ZNF638: variants seen among roughly 807,000 people sequenced by gnomAD.
ZNF638 encodes the protein zinc finger protein 638, also known as CTCL tumor antigen se33-1.
In ZNF638, 46 loss-of-function variants were observed where a neutral mutation model predicts 195.6. The observed-to-expected ratio is 0.24, with a 90% CI of 0.19 to 0.30. ZNF638 has a LOEUF of 0.30. Among genes scored for constraint, ZNF638 ranks in the 10% least tolerant of loss-of-function variants. The pLI is 1.00. For missense variants in ZNF638, 2,440 were observed against 2,325.3 expected (o/e 1.05, Z -1.01); for synonymous variants, 845 against 772.0 (o/e 1.09, Z -1.57).
chr2:71,352,772 G>T (rs867677153), intron 2 of ZNF638, among the ~76,000 whole-genome samples: 49 of 152,276 alleles, frequency 3.2e-4, no homozygotes, highest in African/African-American at 1.2e-3. Context: ...AAATAGAAAT[G>T]AGATGATGTG....
chr2:71,398,607 C>T (rs1367881568), intron 11 of ZNF638, 94 bp from the exon 12 acceptor site: 1 of 967,188 alleles, frequency 1.0e-6, no homozygotes, highest in African/African-American at 1.6e-5. Flanking sequence ...AAAACACAGC[C>T]TATTATTCTT....
chr2:71,384,166 AT>A (rs1475143239), intron 10 of ZNF638, among the ~76,000 whole-genome samples: 2 of 152,088 alleles, frequency 1.3e-5, no homozygotes, highest in Non-Finnish European at 2.9e-5. Context: ...CAGCTCTCAA[AT>A]TCTTTATATG....
chr2:71,336,695 C>T (rs111742393), intron 1 of ZNF638, among the ~76,000 whole-genome samples: 4 of 152,006 alleles, frequency 2.6e-5, no homozygotes, highest in East Asian at 3.9e-4. Context: ...CAGCTTGCTC[C>T]GGGTAACATT....
At chr2:71,428,889 C>T (rs987500697) in intron 25 of ZNF638, 2 of 328,224 alleles carry the variant, frequency 6.1e-6, no homozygotes, top group African/African-American at 2.1e-5. Flanking sequence ...GTTTTCTGAC[C>T]ATGTTGCAGC....
chr2:71,356,143 A>G (rs1457935578), intron 3 of ZNF638, among the ~76,000 whole-genome samples: 1 of 152,174 alleles, frequency 6.6e-6, no homozygotes, highest in East Asian at 1.9e-4. Flanking sequence ...GTGCAAACCA[A>G]ACACCAGTAT....
chr2:71,401,700 GA>G (rs1376522341), intron 15 of ZNF638, among the ~76,000 whole-genome samples: 2 of 151,724 alleles, frequency 1.3e-5, no homozygotes, highest in African/African-American at 4.8e-5. Flanking sequence ...AACAGTGGGT[GA>G]AAAAGAGTCC....
At chr2:71,392,620 T>C (rs527904680) in intron 10 of ZNF638, among the ~76,000 whole-genome samples, 25 of 152,290 alleles carry the variant, frequency 1.6e-4, no homozygotes, top group African/African-American at 6.0e-4. Context: ...CCCACTGGCT[T>C]ATGGCAGTGA....
chr2:71,388,796 A>T, intron 10 of ZNF638: 1 of 808,720 alleles, frequency 1.2e-6, no homozygotes, highest in Non-Finnish European at 2.1e-6. Flanking sequence ...TCATGAGACA[A>T]CAGCTGTCCG....
chr2:71,338,816 T>G (rs1443936015), intron 1 of ZNF638, among the ~76,000 whole-genome samples: 1 of 152,230 alleles, frequency 6.6e-6, no homozygotes, highest in African/African-American at 2.4e-5. Context: ...GCTTTCAGTG[T>G]TAGATATTTT....
chr2:71,402,013 G>A lies in ZNF638; in HGVS notation c.2755G>A (p.Val919Ile). 6.2e-7 allele frequency: 1 copy of A among 1,607,900 alleles called. No individual in the cohort carries two copies. Among genetic ancestry groups the A allele is most frequent in the East Asian group, 2.2e-5 (1 of 44,654 alleles). ...VSNLPNKGYS[V>I]EEVYDLAKPF... is the part of the protein sequence containing the mutation. The stretch of plus-strand genomic sequence containing the variant: ...TAATTTGCCTAATAAAGGATATTCT[G>A]TAGAAGAAGTTTATGACTTAGCAAA... Residue 919 changes from valine to isoleucine, a missense_variant, in exon 16 of 28, where the codon GTA (valine) becomes ATA (isoleucine). Around this residue, in one of 5 missense-constraint regions of ZNF638, gnomAD observed 1,883 missense variants for 1,739.1 expected, o/e 1.08. Transcript: ENST00000264447.
chr2:71,350,293 T>C (rs2078918363), intron 2 of ZNF638, 22 bp downstream of exon 2: 1 of 1,592,558 alleles, frequency 6.3e-7, no homozygotes, highest in Non-Finnish European at 8.5e-7. Context: ...TAAAAAAAGA[T>C]CACTGTATAA....
intron 19 of ZNF638, among the ~76,000 whole-genome samples, 182 bp downstream of exon 19, chr2:71,406,444 C>T (rs2080107376): frequency 6.6e-6 from 1 of 152,114 alleles, no homozygotes; most frequent in Non-Finnish European, 1.5e-5. Context: ...GATGACCTCT[C>T]TTTTTTCAGA....
chr2:71,420,114 G>T (rs1360727115), intron 21 of ZNF638, among the ~76,000 whole-genome samples: 1 of 150,646 alleles, frequency 6.6e-6, no homozygotes, highest in Non-Finnish European at 1.5e-5. Flanking sequence ...TTTTTTTAGA[G>T]ACAGGGTCTT....
chr2:71,410,978 C>A lies in ZNF638; in HGVS notation c.3261+2731C>A, dbSNP rs868507755. On this transcript the variant is annotated intron_variant, in intron 20 of 27. Transcript: ENST00000264447. The stretch of plus-strand genomic sequence containing the variant: ...AGCAGGAAGTTTTTCTCCCCACCCA[C>A]CACCTCCCCCCCCCTTTTTTTTTTT... Among the ~76,000 whole-genome samples the A allele has an allele frequency of 3.0e-4, 18 of 60,526 alleles. No individual in the cohort carries two copies. The South Asian group carries it at 0.012, about 40-fold the overall frequency. 39.7% of individuals were successfully genotyped at this position (60,526 alleles called of 152,430 possible).
chr2:71,382,167 A>G (rs1211705910), intron 10 of ZNF638, among the ~76,000 whole-genome samples: 1 of 152,162 alleles, frequency 6.6e-6, no homozygotes, highest in African/African-American at 2.4e-5. Flanking sequence ...TTACAATTGG[A>G]AAACTCACAG....
At position 71,420,101 on chromosome 2, in the gene ZNF638, G is replaced by GT. The variant is rs1164465572; in HGVS notation, c.3299+1471dup. On this transcript the variant is annotated intron_variant, in intron 21 of 27. Transcript: ENST00000264447. ...AAATACTATTTGTTGTTTTTGTTGT[G>GT]TTTTTTTTTAGAGACAGGGTCTTGC... Among the ~76,000 whole-genome samples, 820 of 142,350 alleles carry GT rather than the reference G, an allele frequency of 5.8e-3. 4 individuals carry two copies. Among genetic ancestry groups the GT allele is most frequent in the African/African-American group, 0.019 (735 of 38,536 alleles). 93.4% of individuals were successfully genotyped at this position (142,350 alleles called of 152,430 possible).
intron 10 of ZNF638, among the ~76,000 whole-genome samples, chr2:71,384,572 G>A (rs751675212): frequency 5.9e-5 from 9 of 152,158 alleles, no homozygotes; most frequent in Admixed American, 1.3e-4. Flanking sequence ...TTAATAGGTC[G>A]CAGGCAAGGT....
chr2:71,396,940 C>T (rs772117069), intron 11 of ZNF638, among the ~76,000 whole-genome samples: 1 of 152,146 alleles, frequency 6.6e-6, no homozygotes, highest in South Asian at 2.1e-4. Context: ...GAGTGAGACT[C>T]TGTCTCAAAT....
intron 8 of ZNF638, chr2:71,379,634 T>A (rs1306997228): frequency 6.6e-6 from 1 of 152,156 alleles, no homozygotes; most frequent in East Asian, 1.9e-4. Flanking sequence ...CTGGACTTAA[T>A]AAGGAGAGAA....
Sources: allele counts gnomAD v4.1 joint callset (sites outside exome capture counted in the v4.1 genomes callset), GRCh38; gene constraint gnomAD v4.1.1; regional missense constraint gnomAD v4.1.1; transcripts MANE v1.5; gene names NCBI Gene and HGNC (gene_info 2026-07-23, HGNC 2026-07-21).